Variants in MGST2 observed in about 807,000 individuals in gnomAD.
MGST2 encodes glutathione peroxidase MGST2.
A neutral mutation model predicts 16.6 loss-of-function variants in MGST2; 9 were observed. The ratio of observed to expected loss-of-function variants is 0.54; its 90% confidence interval spans 0.33 to 0.95. The LOEUF (loss-of-function observed/expected upper bound fraction) is 0.95, where lower values mean the gene tolerates loss of function less well. Among genes scored for constraint, MGST2 ranks in the 40% least tolerant of loss-of-function variants. MGST2 has a pLI of 0.03. For missense variants in MGST2, 159 were observed against 175.1 expected, an observed-to-expected ratio of 0.91 and a Z score of 0.52; for synonymous variants, 79 against 68.0, an observed-to-expected ratio of 1.16 and a Z score of -0.79.
intron 2 of MGST2, among the ~76,000 whole-genome samples, chr4:139,691,684 TGATGATGATGATG>T (rs1726597247): frequency 7.1e-6 from 1 of 140,540 alleles, no homozygotes; most frequent in African/African-American, 2.6e-5. Context: ...ATGATGATGA[TGATGATGATGATG>T]ATTATTATTA....
chr4:139,673,219 G>A (rs753469677), intron 1 of MGST2, among the ~76,000 whole-genome samples: 4 of 152,108 alleles, frequency 2.6e-5, no homozygotes, highest in Non-Finnish European at 5.9e-5. Flanking sequence ...AATGTGAAGC[G>A]AAATAATAGT....
At chr4:139,749,801 A>G in the MGST2 span, among the ~76,000 whole-genome samples, 1 of 152,176 alleles carries the variant, frequency 6.6e-6, no homozygotes, top group East Asian at 1.9e-4. Context: ...GCAATGCAGT[A>G]ATTATTTTAC....
chr4:139,699,567 TG>T (rs1362251602), intron 3 of MGST2, among the ~76,000 whole-genome samples: 1 of 152,214 alleles, frequency 6.6e-6, no homozygotes, highest in Non-Finnish European at 1.5e-5. Flanking sequence ...ATCTCCAAAA[TG>T]TTTTCCAATA....
intron 3 of MGST2, among the ~76,000 whole-genome samples, chr4:139,700,633 C>G (rs937087812): frequency 1.3e-5 from 2 of 152,206 alleles, no homozygotes; most frequent in African/African-American, 4.8e-5. Flanking sequence ...AGAGCCGGGT[C>G]TGTAAGTATT....
chr4:139,732,663 C>T (rs1048754732), intron 5 of MGST2, among the ~76,000 whole-genome samples: 2 of 150,408 alleles, frequency 1.3e-5, no homozygotes, highest in African/African-American at 4.9e-5. Context: ...CATAAGTTAT[C>T]GGGGTACAGG....
At chr4:139,720,757 T>C (rs1037089849) in intron 5 of MGST2, among the ~76,000 whole-genome samples, 1 of 152,236 alleles carries the variant, frequency 6.6e-6, no homozygotes, top group African/African-American at 2.4e-5. Context: ...AAGATACTAT[T>C]TTCTTTGGAG....
At chr4:139,700,224 C>G (rs900190142) in intron 3 of MGST2, among the ~76,000 whole-genome samples, 1 of 148,690 alleles carries the variant, frequency 6.7e-6, no homozygotes, top group Non-Finnish European at 1.5e-5. Context: ...CTCCGCCTCC[C>G]GGGTTCACGC....
intron 1 of MGST2, among the ~76,000 whole-genome samples, chr4:139,667,719 A>C (rs1037876677): frequency 2.0e-5 from 3 of 151,988 alleles, no homozygotes; most frequent in African/African-American, 7.3e-5. Context: ...TTTGCTGGAC[A>C]TGGTGGCACG....
chr4:139,672,484 ACAGT>A (rs1730749780), intron 1 of MGST2, among the ~76,000 whole-genome samples: 3 of 152,070 alleles, frequency 2.0e-5, no homozygotes, highest in Admixed American at 2.0e-4. Flanking sequence ...AGGGTTGGAG[ACAGT>A]CAGGGCCCAT....
In MGST2 at chr4:139,673,381, A is replaced by G. The variant is rs8192041; in HGVS notation, c.59-5162A>G. Among the ~76,000 whole-genome samples the G allele has an allele frequency of 9.3e-3, 1,411 of 152,164 alleles. 16 individuals are homozygous for G. Among genetic ancestry groups the G allele is most frequent in the African/African-American group, 0.027 (1,101 of 41,464 alleles). On this transcript the variant is annotated intron_variant, in intron 1 of 4. Coordinates refer to ENST00000265498, the MANE Select transcript of MGST2 (RefSeq NM_002413.5). The stretch of plus-strand genomic sequence containing the variant: ...TAATGCTTAAGACCCTAACTCCCCA[A>G]TGGCTTTCAGGCAAGGGTTTTAAAA...
intron 1 of MGST2, among the ~76,000 whole-genome samples, chr4:139,676,619 T>G (rs1181215231): frequency 6.6e-5 from 10 of 152,170 alleles, no homozygotes; most frequent in Non-Finnish European, 1.3e-4. Flanking sequence ...AGTCAATTGA[T>G]TTCAATATTA....
chr4:139,727,918 CG>C (rs975672045), intron 5 of MGST2, among the ~76,000 whole-genome samples: 20 of 151,516 alleles, frequency 1.3e-4, no homozygotes, highest in African/African-American at 4.6e-4. Context: ...ACTCTCAAAA[CG>C]AAAAACTGAG....
intron 2 of MGST2, among the ~76,000 whole-genome samples, chr4:139,693,556 C>T (rs769092269): frequency 3.0e-4 from 46 of 152,084 alleles, no homozygotes; most frequent in Non-Finnish European, 6.2e-4. Context: ...CTTGCATAGC[C>T]GTAATATAAA....
intron 1 of MGST2, among the ~76,000 whole-genome samples, chr4:139,666,796 C>T (rs1227836006): frequency 6.6e-6 from 1 of 152,154 alleles, no homozygotes; most frequent in Non-Finnish European, 1.5e-5. Flanking sequence ...CTTTATATTT[C>T]CAAGTATGCC....
chr4:139,678,275 T>A (rs112752552), intron 1 of MGST2, among the ~76,000 whole-genome samples: 169 of 152,362 alleles, frequency 1.1e-3, no homozygotes, highest in African/African-American at 3.9e-3. Context: ...ATGACTGGGT[T>A]ATACATTGGA....
chr4:139,746,961 T>C, the MGST2 span, among the ~76,000 whole-genome samples: 2 of 152,012 alleles, frequency 1.3e-5, no homozygotes, highest in Non-Finnish European at 2.9e-5. Flanking sequence ...TCTTAAGAAA[T>C]TGTGGGCCAC....
chr4:139,713,938 G>T (rs1727837726), intron 5 of MGST2, among the ~76,000 whole-genome samples: 1 of 152,218 alleles, frequency 6.6e-6, no homozygotes, highest in South Asian at 2.1e-4. Context: ...GTCTAGAGTA[G>T]TTAATTTTGA....
At chr4:139,669,574 CCTT>C (rs1730559251) in intron 1 of MGST2, among the ~76,000 whole-genome samples, 1 of 151,952 alleles carries the variant, frequency 6.6e-6, no homozygotes, top group African/African-American at 2.4e-5. Flanking sequence ...ATCCTAAGGT[CCTT>C]CTTCGAAGAG....
At chr4:139,716,562 G>GTA (rs999008079) in intron 5 of MGST2, among the ~76,000 whole-genome samples, 1 of 123,912 alleles carries the variant, frequency 8.1e-6, no homozygotes, top group African/African-American at 3.7e-5. Flanking sequence ...AGTAAATTCA[G>GTA]AAAGTATCAT....
Sources: gnomAD v4.1 joint callset for allele counts (sites outside exome capture counted in the v4.1 genomes callset) on GRCh38, gnomAD v4.1.1 for gene constraint, MANE v1.5 for transcripts, NCBI Gene and HGNC (gene_info 2026-07-23, HGNC 2026-07-21) for gene names.